Variants in NAALADL2 observed in about 807,000 individuals in gnomAD.
NAALADL2 encodes the protein inactive N-acetylated-alpha-linked acidic dipeptidase-like protein 2.
In NAALADL2, 76 loss-of-function variants were observed where a neutral mutation model predicts 87.2. The observed-to-expected ratio is 0.87, with a 90% CI of 0.72 to 1.05. NAALADL2 has a LOEUF of 1.05. Ranked by LOEUF, NAALADL2 falls within the 50% of genes least tolerant of loss-of-function variation. The pLI, the probability that NAALADL2 is intolerant of heterozygous loss-of-function variation, is 0.00. For synonymous variants in NAALADL2, 354 were observed against 331.0 expected, an observed-to-expected ratio of 1.07 and a Z score of -0.75; for missense variants, 1,089 against 945.8, an observed-to-expected ratio of 1.15 and a Z score of -1.99.
intron 13 of NAALADL2, among the ~76,000 whole-genome samples, chr3:175,787,899 G>A (rs574641553): frequency 8.5e-5 from 13 of 152,154 alleles, no homozygotes; most frequent in Non-Finnish European, 1.2e-4. Context: ...ATTTATTATT[G>A]AAGAAATAAA....
chr3:175,095,328 T>C lies in NAALADL2; in HGVS notation c.44-1462T>C, dbSNP rs191454790. On this transcript the variant is annotated intron_variant, in intron 1 of 13. Coordinates refer to ENST00000454872, the MANE Select transcript of NAALADL2 (RefSeq NM_207015.3). ...CTTTGCATATTTTATCTGACTTTTT[T>C]GTTTGTTTGTCCATTGTCTCTCTGA... 1.4e-4 allele frequency among the ~76,000 whole-genome samples: 20 copies of C among 146,866 alleles called. No homozygotes were observed. The East Asian group carries it at 3.9e-3, about 28-fold the overall frequency.
chr3:175,104,893 G>C (rs1722832192), intron 2 of NAALADL2, among the ~76,000 whole-genome samples: 1 of 152,080 alleles, frequency 6.6e-6, no homozygotes, highest in Admixed American at 6.6e-5. Context: ...TGAACCTTAA[G>C]TAAGGCAACT....
rs115978719 is a variant in NAALADL2, at chr3:175,542,292, G to A, written c.1654-33749G>A. On this transcript the variant is annotated intron_variant, in intron 9 of 13. Transcript: ENST00000454872. ...ACTTGGTATATTTTGTGGAAAATGA[G>A]CACATAATGAAAATGAGAATTTAAA... 3.0e-3 allele frequency among the ~76,000 whole-genome samples: 464 copies of A among 152,284 alleles called. 4 individuals carry two copies. Among genetic ancestry groups the A allele is most frequent in the African/African-American group, 0.011 (437 of 41,568 alleles).
intron 1 of NAALADL2, among the ~76,000 whole-genome samples, chr3:175,036,674 C>G (rs1753444934): frequency 6.6e-6 from 1 of 152,128 alleles, no homozygotes; most frequent in Admixed American, 6.6e-5. Flanking sequence ...GCTGGGATTA[C>G]AGGCATGAAC....
intron 2 of NAALADL2, among the ~76,000 whole-genome samples, chr3:175,214,520 G>C (rs1742223878): frequency 6.6e-6 from 1 of 152,102 alleles, no homozygotes; most frequent in Non-Finnish European, 1.5e-5. Flanking sequence ...TGGCTTGTCT[G>C]AGCTTTAGGT....
intron 5 of NAALADL2, among the ~76,000 whole-genome samples, chr3:175,444,432 C>T (rs140943499): frequency 2.0e-5 from 3 of 152,146 alleles, no homozygotes; most frequent in Non-Finnish European, 4.4e-5. Context: ...AGGCTCATCA[C>T]TTTTGGCTGA....
chr3:174,472,924 T>C (rs1236677961), intron 1 of NAALADL2, among the ~76,000 whole-genome samples: 1 of 152,088 alleles, frequency 6.6e-6, no homozygotes, highest in Non-Finnish European at 1.5e-5. Flanking sequence ...GTTCAATGAG[T>C]AGGAGATACG....
intron 5 of NAALADL2, among the ~76,000 whole-genome samples, chr3:175,326,279 G>C (rs1227352117): frequency 6.6e-6 from 1 of 152,112 alleles, no homozygotes; most frequent in East Asian, 1.9e-4. Context: ...TTATCAGAAT[G>C]GCCTTTACTG....
chr3:175,515,876 T>A, intron 9 of NAALADL2, among the ~76,000 whole-genome samples: 1 of 152,234 alleles, frequency 6.6e-6, no homozygotes, highest in South Asian at 2.1e-4. Flanking sequence ...TGTACCTAAG[T>A]GTGAGAGCAA....
At chr3:175,762,085 T>C (rs1207808631) in intron 13 of NAALADL2, among the ~76,000 whole-genome samples, 5 of 152,122 alleles carry the variant, frequency 3.3e-5, no homozygotes, top group Non-Finnish European at 5.9e-5. Flanking sequence ...GTCACTCAGA[T>C]TTTCTGTTAT....
chr3:175,436,125 T>G (rs1232864552), intron 5 of NAALADL2, among the ~76,000 whole-genome samples: 2 of 146,190 alleles, frequency 1.4e-5, no homozygotes, highest in Non-Finnish European at 3.0e-5. Flanking sequence ...CTTGCGATAG[T>G]TTACTGAGAA....
intron 11 of NAALADL2, among the ~76,000 whole-genome samples, chr3:175,633,423 A>G (rs985433036): frequency 1.3e-5 from 2 of 152,068 alleles, no homozygotes; most frequent in Non-Finnish European, 2.9e-5. Context: ...ACTTGTATTA[A>G]AACAAATGAA....
intron 3 of NAALADL2, among the ~76,000 whole-genome samples, chr3:174,838,745 T>C (rs1164254332): frequency 2.0e-5 from 3 of 151,952 alleles, no homozygotes; most frequent in Non-Finnish European, 4.4e-5. Flanking sequence ...CATTTTACAA[T>C]AGCTGCAAAA....
chr3:174,633,008 A>G (rs1294413395), intron 2 of NAALADL2, among the ~76,000 whole-genome samples: 1 of 151,706 alleles, frequency 6.6e-6, no homozygotes, highest in Non-Finnish European at 1.5e-5. Context: ...GTAAGTGCTT[A>G]ATGAATGTTT....
intron 9 of NAALADL2, among the ~76,000 whole-genome samples, chr3:175,532,055 A>G (rs1734160749): frequency 6.6e-6 from 1 of 152,196 alleles, no homozygotes; most frequent in Admixed American, 6.5e-5. Context: ...GTCAGGGAGC[A>G]AATGTGGGGA....
At chr3:174,664,797 C>G (rs1725817179) in intron 2 of NAALADL2, among the ~76,000 whole-genome samples, 1 of 152,194 alleles carries the variant, frequency 6.6e-6, no homozygotes, top group Admixed American at 6.5e-5. Context: ...GATTTACTAT[C>G]TCACTGGTTT....
intron 11 of NAALADL2, among the ~76,000 whole-genome samples, chr3:175,731,227 A>G (rs750056068): frequency 3.3e-5 from 5 of 152,178 alleles, no homozygotes; most frequent in Non-Finnish European, 7.3e-5. Flanking sequence ...CTAATCTCTG[A>G]GAGCCTCAGT....
intron 3 of NAALADL2, among the ~76,000 whole-genome samples, chr3:174,850,003 C>A (rs1725071645): frequency 6.6e-6 from 1 of 152,040 alleles, no homozygotes; most frequent in Non-Finnish European, 1.5e-5. Flanking sequence ...GTTTTTATAA[C>A]TTCAGGTAAT....
intron 3 of NAALADL2, among the ~76,000 whole-genome samples, chr3:174,794,531 G>T (rs1717840801): frequency 6.6e-6 from 1 of 152,094 alleles, no homozygotes; most frequent in Admixed American, 6.5e-5. Context: ...CAGTTCTCCA[G>T]AGTTATTGGA....
Sources: gnomAD v4.1 joint callset for allele counts (sites outside exome capture counted in the v4.1 genomes callset) on GRCh38, gnomAD v4.1.1 for gene constraint, MANE v1.5 for transcripts, NCBI Gene and HGNC (gene_info 2026-07-23, HGNC 2026-07-21) for gene names.